Variants in CPS1 observed in about 807,000 individuals in gnomAD.
CPS1 encodes carbamoyl-phosphate synthase 1.
In CPS1, 109 loss-of-function variants were observed where a neutral mutation model predicts 174.6. The ratio of observed to expected loss-of-function variants is 0.62; its 90% CI spans 0.53 to 0.73. CPS1 has a LOEUF of 0.73. CPS1 is among the 30% of genes least tolerant of loss of function. The pLI, the probability that CPS1 is intolerant of heterozygous loss-of-function variation, is 0.00. For missense variants in CPS1, 1,689 were observed against 1,821.9 expected, an observed-to-expected ratio of 0.93 and a Z score of 1.33; for synonymous variants, 637 against 632.0, an observed-to-expected ratio of 1.01 and a Z score of -0.12.
intron 3 of CPS1, chr2:210,577,183 A>C: frequency 1.8e-6 from 1 of 553,132 alleles, no homozygotes; most frequent in Non-Finnish European, 3.2e-6. Context: ...AGGGGGACCT[A>C]GTTTAGTCTC....
intron 12 of CPS1, 106 bp from the exon 13 acceptor site, chr2:210,595,371 AGACCTTAGAT>A: frequency 1.3e-6 from 1 of 774,490 alleles, no homozygotes; most frequent in Admixed American, 1.8e-5. Context: ...TCATTACATT[AGACCTTAGAT>A]GACCACATAA....
At chr2:210,545,877 A>G (rs1696551746) in intron 1 of CPS1, among the ~76,000 whole-genome samples, 1 of 152,074 alleles carries the variant, frequency 6.6e-6, no homozygotes, top group Non-Finnish European at 1.5e-5. Flanking sequence ...GTCAACTTCT[A>G]TGATATGAAA....
At position 210,608,395 on chromosome 2, in the gene CPS1, C is replaced by G; in HGVS notation, c.2227C>G (p.Leu743Val). 6.2e-7 allele frequency: 1 copy of G among 1,612,018 alleles called. No individual in the cohort carries two copies. Among genetic ancestry groups the G allele is most frequent in the South Asian group, 1.1e-5 (1 of 91,038 alleles). ...GGCATTCATTGCTGCAAAGATTGCCCTAGGAATCCCACTTCCAGAAATTAA... is the reference window on the plus strand; with the variant it reads ...GGCATTCATTGCTGCAAAGATTGCCGTAGGAATCCCACTTCCAGAAATTAA... The part of the protein sequence containing the change: ...PLAFIAAKIA[L>V]GIPLPEIKNV... Residue 743 changes from leucine to valine, a missense_variant, in exon 19 of 38, where the codon CTA (leucine) becomes GTA (valine). By Grantham distance (32) the Leu-to-Val change is conservative. Transcript: ENST00000233072.
chr2:210,592,192 T>C (rs1039938697), intron 10 of CPS1, among the ~76,000 whole-genome samples: 1 of 152,086 alleles, frequency 6.6e-6, no homozygotes, highest in Non-Finnish European at 1.5e-5. Flanking sequence ...TTTTGAAATA[T>C]GCAATAAATT....
intron 1 of CPS1, among the ~76,000 whole-genome samples, chr2:210,551,406 C>T (rs1559072185): frequency 6.6e-6 from 1 of 151,970 alleles, no homozygotes; most frequent in Non-Finnish European, 1.5e-5. Context: ...AATATATACT[C>T]CATGCTGTTG....
chr2:210,608,552 T>C lies in CPS1; in HGVS notation c.2384T>C (p.Val795Ala), dbSNP rs749197103. Residue 795 changes from valine to alanine, a missense_variant, in exon 19 of 38, where the codon GTA (valine) becomes GCA (alanine). Physicochemically the swap from Val to Ala is moderately conservative, Grantham distance 64 (BLOSUM62 0). Coordinates refer to ENST00000233072, the MANE Select transcript of CPS1 (RefSeq NM_001875.5). ...CGAATTGGTAGCTCTATGAAAAGTGTAGGAGAGGTGAGTCCTTGGTTTATT... is the reference window on the plus strand; with the variant it reads ...CGAATTGGTAGCTCTATGAAAAGTGCAGGAGAGGTGAGTCCTTGGTTTATT... ...SSRIGSSMKS[V>A]GEVMAIGRTF... 1.2e-6 allele frequency: 2 copies of C among 1,611,760 alleles called. No individual in the cohort carries two copies. The highest frequency in any genetic ancestry group is 1.1e-5 in the South Asian group (1 of 91,054).
chr2:210,581,895 A>G (rs1697933835), intron 5 of CPS1, among the ~76,000 whole-genome samples: 1 of 152,184 alleles, frequency 6.6e-6, no homozygotes, highest in South Asian at 2.1e-4. Flanking sequence ...TTACCCCTCA[A>G]TAGAATCTTG....
chr2:210,537,982 A>C (rs1037856799), intron 1 of CPS1, among the ~76,000 whole-genome samples: 1 of 151,966 alleles, frequency 6.6e-6, no homozygotes. Context: ...AAACCATATA[A>C]CTCTTAACTG....
At chr2:210,639,369 T>G (rs1700138143) in intron 23 of CPS1, among the ~76,000 whole-genome samples, 154 bp downstream of exon 23, 1 of 151,790 alleles carries the variant, frequency 6.6e-6, no homozygotes, top group Non-Finnish European at 1.5e-5. Flanking sequence ...TCCCAGCACT[T>G]TGGGAGGCCG....
intron 32 of CPS1, among the ~76,000 whole-genome samples, chr2:210,660,924 G>A (rs1700899153): frequency 2.0e-5 from 3 of 152,170 alleles, no homozygotes; most frequent in African/African-American, 7.2e-5. Context: ...TTGTGCAGCT[G>A]ACACATGATG....
intron 20 of CPS1, among the ~76,000 whole-genome samples, chr2:210,612,648 C>T (rs962099117): frequency 9.9e-5 from 15 of 151,682 alleles, no homozygotes; most frequent in African/African-American, 3.6e-4. Flanking sequence ...TTACATGTTC[C>T]TTGAATGTGT....
intron 21 of CPS1, among the ~76,000 whole-genome samples, chr2:210,636,373 T>A (rs1574624135): frequency 6.6e-6 from 1 of 151,326 alleles, no homozygotes; most frequent in Non-Finnish European, 1.5e-5. Flanking sequence ...TTATTTATAA[T>A]TTATATTCAT....
intron 21 of CPS1, among the ~76,000 whole-genome samples, chr2:210,630,692 A>G (rs1022497377): frequency 1.3e-5 from 2 of 152,196 alleles, no homozygotes; most frequent in African/African-American, 4.8e-5. Context: ...TGCCTACCCA[A>G]TTGCCTGGGT....
intron 9 of CPS1, among the ~76,000 whole-genome samples, 199 bp downstream of exon 9, chr2:210,591,105 T>TGAA (rs1014367104): frequency 1.3e-5 from 2 of 151,758 alleles, no homozygotes; most frequent in African/African-American, 4.8e-5. Context: ...ATACCTTACG[T>TGAA]GGTTGACAGT....
intron 23 of CPS1, among the ~76,000 whole-genome samples, chr2:210,639,600 C>A (rs13409266): frequency 0.24 from 28,372 of 120,478 alleles, 5,961 homozygotes; most frequent in African/African-American, 0.58. Context: ...GCCTGGGCGA[C>A]AGAGCGAGAC....
Position 210,599,640 on chromosome 2 carries a change from A to G in CPS1, c.1549+79A>G. The G allele has an allele frequency of 6.7e-6, 10 of 1,484,190 alleles. No individual in the cohort carries two copies. The South Asian group carries it at 1.1e-4, about 17-fold the overall frequency. 91.9% of individuals were successfully genotyped at this position (1,484,190 alleles called of 1,614,324 possible). A position where few individuals can be genotyped will look rare whatever the true frequency, so the allele number is the denominator to read the frequency against. The stretch of plus-strand genomic sequence containing the variant: ...TGTATTTTATTTGAGCTCATCTAAC[A>G]ATTGTGCTTTGTGTGTTCATAAAAC... On this transcript the variant is annotated intron_variant, in intron 14 of 37. Coordinates refer to ENST00000233072, the MANE Select transcript of CPS1 (RefSeq NM_001875.5).
rs993817140 is a variant in CPS1, at chr2:210,594,542, A to C, written c.1199A>C (p.Lys400Thr). The C allele has an allele frequency of 6.2e-7, 1 of 1,611,136 alleles. No individual in the cohort carries two copies. Among genetic ancestry groups the C allele is most frequent in the Non-Finnish European group, 8.5e-7 (1 of 1,178,260 alleles). Residue 400 changes from lysine (K) to threonine (T), a missense_variant, in exon 12 of 38, where the codon AAA becomes ACA. By Grantham distance (78) the Lys-to-Thr change is moderately conservative. Coordinates refer to ENST00000233072, the MANE Select transcript of CPS1 (RefSeq NM_001875.5). Reference sequence around the variant, plus strand: ...GATTCCTTTTTCTCACTGATAAAGAAAGGAAAAGCTACCACCATTACATCA... The same window carrying C: ...GATTCCTTTTTCTCACTGATAAAGACAGGAAAAGCTACCACCATTACATCA... ...LFDSFFSLIK[K>T]GKATTITSVL...
intron 1 of CPS1, among the ~76,000 whole-genome samples, chr2:210,572,623 C>T (rs1488925324): frequency 6.6e-6 from 1 of 151,870 alleles, no homozygotes; most frequent in African/African-American, 2.4e-5. Flanking sequence ...TTCCGAATGC[C>T]ATAGTATAGA....
intron 14 of CPS1, 149 bp downstream of exon 14, chr2:210,599,710 AT>A: frequency 1.3e-6 from 1 of 777,460 alleles, no homozygotes; most frequent in East Asian, 2.7e-5. Flanking sequence ...CAGCCACTTA[AT>A]ATAGTCATAT....
Sources: allele counts gnomAD v4.1 joint callset (sites outside exome capture counted in the v4.1 genomes callset), GRCh38; gene constraint gnomAD v4.1.1; transcripts MANE v1.5; gene names NCBI Gene and HGNC (gene_info 2026-07-23, HGNC 2026-07-21).